Variants in STK32B observed in about 807,000 individuals in gnomAD.
STK32B encodes serine/threonine-protein kinase 32B.
In STK32B, 43 loss-of-function variants were observed where a neutral mutation model predicts 52.6. The ratio of observed to expected loss-of-function variants is 0.82; its 90% CI spans 0.64 to 1.05. STK32B has a LOEUF of 1.05. Ranked by LOEUF, STK32B falls within the 50% of genes least tolerant of loss-of-function variation. The probability of loss-of-function intolerance (pLI) is 0.00; values close to 1 mark genes in which losing one functional copy is unlikely to be tolerated. For missense variants in STK32B, 621 were observed against 534.6 expected (o/e 1.16, Z -1.59); for synonymous variants, 238 against 204.3 (o/e 1.17, Z -1.41).
At chr4:5,454,307 G>A (rs962996234) in intron 7 of STK32B, among the ~76,000 whole-genome samples, 4 of 152,116 alleles carry the variant, frequency 2.6e-5, no homozygotes, top group Non-Finnish European at 5.9e-5. Context: ...TTCTCTCACA[G>A]TTCTGAAGGC....
intron 4 of STK32B, among the ~76,000 whole-genome samples, chr4:5,342,648 A>G (rs979968420): frequency 6.6e-6 from 1 of 152,142 alleles, no homozygotes; most frequent in African/African-American, 2.4e-5. Context: ...CCCCACCTCC[A>G]ACACTGGAAA....
intron 1 of STK32B, among the ~76,000 whole-genome samples, chr4:5,067,196 C>T (rs754254244): frequency 9.2e-5 from 14 of 152,124 alleles, no homozygotes; most frequent in African/African-American, 1.9e-4. Flanking sequence ...CTTATAAAAC[C>T]GTCAGATCTC....
chr4:5,225,315 G>T (rs1254007231), intron 3 of STK32B, among the ~76,000 whole-genome samples: 4 of 151,996 alleles, frequency 2.6e-5, no homozygotes, highest in Non-Finnish European at 4.4e-5. Context: ...GCTGAGGCAG[G>T]AGAATCGTTT....
rs1348244095 is a variant in STK32B, at chr4:5,269,516, A to ATT, written c.261-61703_261-61702dup. Among the ~76,000 whole-genome samples the ATT allele has an allele frequency of 1.2e-4, 18 of 152,342 alleles. No individual in the cohort carries two copies. In the East Asian group the frequency reaches 3.5e-3, roughly 29 times the overall value. The stretch of plus-strand genomic sequence containing the variant: ...GCATAGAAGCAAGGCAGTGTGAGGC[A>ATT]TTGTGAGGTAATACAGCAATCAACT... On this transcript the variant is annotated intron_variant, in intron 3 of 11. Coordinates refer to ENST00000282908, the MANE Select transcript of STK32B (RefSeq NM_018401.3).
chr4:5,037,882 T>C, the STK32B span, among the ~76,000 whole-genome samples: 3 of 152,156 alleles, frequency 2.0e-5, no homozygotes, highest in Non-Finnish European at 2.9e-5. Context: ...TTCCTGCTGG[T>C]GCCTGGCATG....
chr4:5,231,573 C>T (rs769227344), intron 3 of STK32B, among the ~76,000 whole-genome samples: 18 of 152,268 alleles, frequency 1.2e-4, no homozygotes, highest in South Asian at 2.1e-4. Flanking sequence ...GATTGCACCA[C>T]GGCACTCCAG....
chr4:5,338,863 A>G lies in STK32B; in HGVS notation c.434+7470A>G, dbSNP rs189933290. On this transcript the variant is annotated intron_variant, in intron 4 of 11. Coordinates refer to ENST00000282908, the MANE Select transcript of STK32B (RefSeq NM_018401.3). ...GTGTGATGATTAATTTTCTGTGTCA[A>G]TTTGACTGGGCTAAAGGATGCCCAG... is the stretch of plus-strand genomic sequence containing the variant. 4.5e-4 allele frequency among the ~76,000 whole-genome samples: 68 copies of G among 152,286 alleles called. 1 individual carries two copies. The highest frequency in any genetic ancestry group is 1.8e-3 in the Admixed American group (28 of 15,290).
chr4:5,188,213 T>C (rs1189541915), intron 3 of STK32B, among the ~76,000 whole-genome samples: 1 of 152,062 alleles, frequency 6.6e-6, no homozygotes, highest in African/African-American at 2.4e-5. Context: ...TAGTGGGAGG[T>C]GGCGGCTGTG....
chr4:5,047,679 A>G (rs1319654158), upstream of STK32B, among the ~76,000 whole-genome samples: 1 of 152,148 alleles, frequency 6.6e-6, no homozygotes, highest in African/African-American at 2.4e-5. Context: ...GGGCTCCTGG[A>G]TGACAGGAAA....
chr4:5,133,418 C>A (rs1039649560), intron 1 of STK32B, among the ~76,000 whole-genome samples: 1 of 152,118 alleles, frequency 6.6e-6, no homozygotes, highest in Non-Finnish European at 1.5e-5. Flanking sequence ...TCTCATTTCC[C>A]ACTCCCTCAG....
intron 9 of STK32B, 133 bp from the exon 10 acceptor site, chr4:5,466,570 G>T: frequency 8.3e-7 from 1 of 1,206,392 alleles, no homozygotes; most frequent in Non-Finnish European, 1.1e-6. Flanking sequence ...CAGAAACAAA[G>T]GTAACCCGTG....
chr4:5,101,631 T>G (rs1192470314), intron 1 of STK32B, among the ~76,000 whole-genome samples: 1 of 152,200 alleles, frequency 6.6e-6, no homozygotes, highest in African/African-American at 2.4e-5. Flanking sequence ...CTATAATGAC[T>G]TAGGCTTCTG....
the STK32B span, among the ~76,000 whole-genome samples, chr4:5,026,504 C>G: frequency 1.3e-5 from 2 of 152,206 alleles, no homozygotes; most frequent in African/African-American, 2.4e-5. Flanking sequence ...ATAAAACCAT[C>G]AGATCTTGTG....
rs1715690892 is a variant in STK32B, at chr4:5,448,614, A to G, written c.666+1838A>G. ...TGGAGTGGTCCTTGCTGATTCACAA[A>G]TAAACTATTTTATTTTATTTTTTAA... On this transcript the variant is annotated intron_variant, in intron 7 of 11. Coordinates refer to ENST00000282908, the MANE Select transcript of STK32B (RefSeq NM_018401.3). 1.3e-5 allele frequency among the ~76,000 whole-genome samples: 2 copies of G among 152,234 alleles called. 1 individual carries two copies. The highest frequency in any genetic ancestry group is 1.3e-4 in the Admixed American group (2 of 15,280).
chr4:5,193,593 C>T lies in STK32B; in HGVS notation c.260+25143C>T, dbSNP rs148307898. Among the ~76,000 whole-genome samples the T allele has an allele frequency of 3.3e-4, 50 of 152,362 alleles. No individual in the cohort carries two copies. In the Middle Eastern group the frequency reaches 0.014, roughly 41 times the overall value. On this transcript the variant is annotated intron_variant, in intron 3 of 11. Transcript: ENST00000282908. ...GCCAGTTGCTTCTCCTCCGGCTGTGCTGCATCCTGGAAGAGTCGGTGCCAA... is the reference window on the plus strand; with the variant it reads ...GCCAGTTGCTTCTCCTCCGGCTGTGTTGCATCCTGGAAGAGTCGGTGCCAA...
chr4:5,259,626 A>G (rs1726567468), intron 3 of STK32B, among the ~76,000 whole-genome samples: 1 of 152,180 alleles, frequency 6.6e-6, no homozygotes, highest in South Asian at 2.1e-4. Context: ...CACACAGTAA[A>G]TGCTCAGTGA....
At chr4:5,171,259 C>T (rs1189525486) in intron 3 of STK32B, among the ~76,000 whole-genome samples, 1 of 151,986 alleles carries the variant, frequency 6.6e-6, no homozygotes, top group Non-Finnish European at 1.5e-5. Flanking sequence ...CTGTAGGTTG[C>T]CTGTTCACTC....
At chr4:5,301,276 C>T (rs1729537440) in intron 3 of STK32B, among the ~76,000 whole-genome samples, 1 of 152,018 alleles carries the variant, frequency 6.6e-6, no homozygotes, top group South Asian at 2.1e-4. Flanking sequence ...CAGGATAATG[C>T]TTGCTAGAAA....
chr4:5,346,768 T>G (rs1733491405), intron 4 of STK32B, among the ~76,000 whole-genome samples: 1 of 150,450 alleles, frequency 6.6e-6, no homozygotes, highest in Admixed American at 6.6e-5. Flanking sequence ...AGTCACTGTA[T>G]TAGTCCATTT....
Sources: allele counts gnomAD v4.1 joint callset (sites outside exome capture counted in the v4.1 genomes callset), GRCh38; gene constraint gnomAD v4.1.1; transcripts MANE v1.5; gene names NCBI Gene and HGNC (gene_info 2026-07-23, HGNC 2026-07-21).